The following ERICH1 variants were observed in gnomAD, a reference collection of about 807,000 sequenced individuals.
ERICH1 encodes the protein glutamate rich 1.
A neutral mutation model predicts 39.6 loss-of-function variants in ERICH1; 56 were observed. The observed-to-expected ratio is 1.41, with a 90% CI of 1.14 to 1.77. The LOEUF is 1.77. Ranked by LOEUF, ERICH1 falls within the 40% of genes most tolerant of loss-of-function variation. The pLI, the probability that ERICH1 is intolerant of heterozygous loss-of-function variation, is 0.00. For missense variants in ERICH1, 826 were observed against 575.4 expected, an observed-to-expected ratio of 1.44 and a Z score of -4.45; for synonymous variants, 313 against 223.6, an observed-to-expected ratio of 1.40 and a Z score of -3.57.
intron 3 of ERICH1, among the ~76,000 whole-genome samples, chr8:634,199 A>AAAT (rs1563171397): frequency 1.8e-4 from 27 of 151,380 alleles, no homozygotes; most frequent in African/African-American, 6.4e-4. Context: ...AACAAAAAAA[A>AAAT]CCCTGATTCA....
chr8:726,307 C>T (rs796297088), intron 1 of ERICH1, among the ~76,000 whole-genome samples: 17 of 152,008 alleles, frequency 1.1e-4, no homozygotes, highest in Non-Finnish European at 8.8e-5. Flanking sequence ...TGTACAAACA[C>T]GCCACACGCA....
At chr8:701,202 G>A (rs543710292) in intron 2 of ERICH1, among the ~76,000 whole-genome samples, 90 of 152,326 alleles carry the variant, frequency 5.9e-4, no homozygotes, top group Non-Finnish European at 1.1e-3. Context: ...CCGTACCCAC[G>A]GGTCTACCCT....
chr8:639,414 TGAG>T (rs1015425524), intron 3 of ERICH1, among the ~76,000 whole-genome samples: 7 of 152,142 alleles, frequency 4.6e-5, no homozygotes, highest in African/African-American at 1.2e-4. Context: ...GAGAAATAAA[TGAG>T]GAGATGATTT....
At chr8:636,697 G>A (rs1349073474) in intron 3 of ERICH1, among the ~76,000 whole-genome samples, 2 of 152,254 alleles carry the variant, frequency 1.3e-5, no homozygotes, top group South Asian at 4.1e-4. Context: ...TGGCTGTGCA[G>A]CCTCCGACAC....
chr8:699,878 C>T (rs1157472595), intron 2 of ERICH1, among the ~76,000 whole-genome samples: 2 of 91,652 alleles, frequency 2.2e-5, no homozygotes, highest in Non-Finnish European at 4.8e-5. Flanking sequence ...CTCACAGGCG[C>T]ACAGATCCGC....
At chr8:662,609 T>C (rs186839959), downstream of ERICH1, among the ~76,000 whole-genome samples, 584 of 152,164 alleles carry the variant, frequency 3.8e-3, 8 homozygotes, top group African/African-American at 0.013. Context: ...GATCACACTA[T>C]TGCACTCCAG....
Position 673,238 on chromosome 8 carries a change from A to C in ERICH1, c.1063+51T>G, listed in dbSNP as rs182776460. ...AAGCATTATATTTGTTTCTTTTAAT[A>C]AACTTTTAAGTGGATGTCACTATGC... On this transcript the variant is annotated intron_variant, in intron 4 of 5. Coordinates refer to ENST00000262109, the MANE Select transcript of ERICH1 (RefSeq NM_207332.3). The C allele has an allele frequency of 2.0e-6, 3 of 1,519,260 alleles. No individual in the cohort carries two copies. In the Admixed American group the frequency reaches 6.6e-5, roughly 33 times the overall value. 94.1% of individuals were successfully genotyped at this position (1,519,260 alleles called of 1,614,324 possible).
intron 2 of ERICH1, among the ~76,000 whole-genome samples, chr8:706,934 C>T (rs879476168): frequency 3.3e-5 from 5 of 152,160 alleles, no homozygotes; most frequent in Admixed American, 2.6e-4. Flanking sequence ...GTTCTACAAA[C>T]TCATGCAATA....
chr8:630,927 CACAG>C (rs1490750337), intron 3 of ERICH1, among the ~76,000 whole-genome samples: 6 of 149,370 alleles, frequency 4.0e-5, no homozygotes, highest in East Asian at 3.9e-4. Context: ...TGACCACCCA[CACAG>C]ACAGAGCTGA....
chr8:722,606 C>G (rs1401781403), intron 1 of ERICH1, among the ~76,000 whole-genome samples: 1 of 152,192 alleles, frequency 6.6e-6, no homozygotes, highest in Non-Finnish European at 1.5e-5. Context: ...TTCCTAAATG[C>G]AGTTGCTGAA....
chr8:691,462 G>A (rs943657686), intron 3 of ERICH1, among the ~76,000 whole-genome samples: 2 of 152,240 alleles, frequency 1.3e-5, no homozygotes, highest in Admixed American at 6.5e-5. Flanking sequence ...GCGGTACAAC[G>A]GGGCGAGAGC....
In ERICH1 at chr8:715,989, A is replaced by G; in HGVS notation, c.41T>C (p.Leu14Pro). 1 of 1,611,400 alleles carries G rather than the reference A, an allele frequency of 6.2e-7. No homozygotes were observed. Among genetic ancestry groups the G allele is most frequent in the Non-Finnish European group, 8.5e-7 (1 of 1,179,170 alleles). Residue 14 changes from leucine (L) to proline (P), a missense_variant, in exon 2 of 6, where the codon CTG becomes CCG. By Grantham distance (98) the Leu-to-Pro change is moderately conservative. Transcript: ENST00000262109. ...HRKHVFVEKV[L>P]QRLFPPVPSG... ...TGGAACAGGAGGAAAAAGTCTCTGC[A>G]GCACCTTCTCCACAAACACTGTACA...
At position 673,377 on chromosome 8, in the gene ERICH1, G is replaced by C. The variant is rs149083406; in HGVS notation, c.975C>G (p.Ala325=). 28 of 1,613,850 alleles carry C rather than the reference G, an allele frequency of 1.7e-5. No homozygotes were observed. The highest frequency in any genetic ancestry group is 2.3e-5 in the Non-Finnish European group (27 of 1,179,974). ...TGGTAATTGTATCATCTTCCTCGCT[G>C]GCGTCTGCACCGTCCTCCTCCCCGG... The part of the protein sequence containing the change: ...ADSGEEDGAD[A]SEEDDTITNE... The change falls in exon 4 of 6, where the codon GCC becomes GCG. Residue 325 remains alanine (A), a synonymous_variant. Coordinates refer to ENST00000262109, the MANE Select transcript of ERICH1 (RefSeq NM_207332.3).
chr8:718,819 C>A (rs1168172959), intron 1 of ERICH1, among the ~76,000 whole-genome samples: 1 of 152,242 alleles, frequency 6.6e-6, no homozygotes, highest in African/African-American at 2.4e-5. Context: ...TTCTGCAATT[C>A]CCCTGCACGC....
chr8:650,247 C>T (rs1799777758), intron 3 of ERICH1, among the ~76,000 whole-genome samples: 1 of 152,186 alleles, frequency 6.6e-6, no homozygotes, highest in African/African-American at 2.4e-5. Context: ...CTCCGCCAGG[C>T]CGAGTCAGCA....
At chr8:615,254 A>C in exon 4 of ERICH1, 2 of 696,920 alleles carry the variant, frequency 2.9e-6, no homozygotes, top group Non-Finnish European at 5.2e-6. Flanking sequence ...TCCTCTTCTT[A>C]TTTTCTTGGC....
intron 2 of ERICH1, among the ~76,000 whole-genome samples, chr8:703,423 G>C (rs886392339): frequency 6.6e-6 from 1 of 152,154 alleles, no homozygotes; most frequent in African/African-American, 2.4e-5. Flanking sequence ...GCAGACACGA[G>C]ATCTGCTCCA....
At chr8:718,110 G>A (rs1210652768) in intron 1 of ERICH1, among the ~76,000 whole-genome samples, 5 of 152,052 alleles carry the variant, frequency 3.3e-5, no homozygotes, top group Non-Finnish European at 7.4e-5. Context: ...AGATTGGAGT[G>A]CACTGACAAA....
chr8:617,329 C>G (rs955334513), intron 3 of ERICH1, among the ~76,000 whole-genome samples: 3 of 152,204 alleles, frequency 2.0e-5, no homozygotes, highest in East Asian at 1.9e-4. Flanking sequence ...GGGCTTCCCC[C>G]ACCATGTCCA....
Sources: gnomAD v4.1 joint callset for allele counts (sites outside exome capture counted in the v4.1 genomes callset) on GRCh38, gnomAD v4.1.1 for gene constraint, MANE v1.5 for transcripts, NCBI Gene and HGNC (gene_info 2026-07-23, HGNC 2026-07-21) for gene names.